CDC25C: variants seen among roughly 807,000 people sequenced by gnomAD.
CDC25C encodes the protein M-phase inducer phosphatase 3.
Under a neutral mutation model 52.5 loss-of-function variants are expected in CDC25C, and 48 were observed. That is an observed-to-expected ratio of 0.91 (90% CI 0.72 to 1.16). The LOEUF is 1.16. Ranked by LOEUF, CDC25C falls within the 50% of genes most tolerant of loss-of-function variation. The probability of loss-of-function intolerance (pLI) is 0.00; values close to 1 mark genes in which losing one functional copy is unlikely to be tolerated. For missense variants in CDC25C, 510 were observed against 566.1 expected (o/e 0.90, Z 1.01); for synonymous variants, 187 against 206.5 (o/e 0.91, Z 0.81).
chr5:138,319,468 T>C (rs919505403), intron 6 of CDC25C, 94 bp from the exon 7 acceptor site: 22 of 983,672 alleles, frequency 2.2e-5, no homozygotes, highest in Admixed American at 3.4e-5. Flanking sequence ...GAAGAAAAGA[T>C]AAGGGAAAAA....
At chr5:138,290,330 G>C (rs1296824958) in intron 9 of CDC25C, among the ~76,000 whole-genome samples, 1 of 151,958 alleles carries the variant, frequency 6.6e-6, no homozygotes, top group Non-Finnish European at 1.5e-5. Flanking sequence ...ATAAAGTTTG[G>C]GATAAATTTC....
intron 6 of CDC25C, among the ~76,000 whole-genome samples, chr5:138,322,130 T>A (rs1759461697): frequency 6.6e-6 from 1 of 150,648 alleles, no homozygotes; most frequent in Non-Finnish European, 1.5e-5. Context: ...GCCTCCGGAG[T>A]AGCTGGGACT....
At chr5:138,306,325 T>C (rs1273119326) in intron 7 of CDC25C, among the ~76,000 whole-genome samples, 5 of 152,124 alleles carry the variant, frequency 3.3e-5, no homozygotes, top group Non-Finnish European at 5.9e-5. Context: ...CACCATCGTA[T>C]CACCAGTGCC....
At chr5:138,326,557 G>A (rs527891921) in intron 4 of CDC25C, among the ~76,000 whole-genome samples, 146 of 152,142 alleles carry the variant, frequency 9.6e-4, no homozygotes, top group Admixed American at 1.6e-3. Flanking sequence ...TAGCCAGGAC[G>A]GTCTTGATCT....
chr5:138,309,223 T>TAA lies in CDC25C; in HGVS notation c.615+9994_615+9995dup, dbSNP rs34521148. 5.1e-4 allele frequency among the ~76,000 whole-genome samples: 73 copies of TAA among 143,596 alleles called. 1 individual carries two copies. The highest frequency in any genetic ancestry group is 6.0e-4 in the African/African-American group (23 of 38,310). The allele number at this position is 143,596 out of a possible 152,430, so 94.2% of individuals were successfully genotyped here. ...CATCAGGCTCTCAACAAACTGGTAT[T>TAA]AAAAAAAAAAAAAAAACATAAAAAT... On this transcript the variant is annotated intron_variant, in intron 7 of 13. Coordinates refer to ENST00000323760, the MANE Select transcript of CDC25C (RefSeq NM_001790.5).
At chr5:138,331,808 A>G (rs1319262565), upstream of CDC25C, 10 of 985,938 alleles carry the variant, frequency 1.0e-5, no homozygotes, top group Non-Finnish European at 3.6e-6. Context: ...CAAGAATATC[A>G]ACAGCCGCAG....
At chr5:138,287,951 CAT>C (rs760584987) in intron 10 of CDC25C, among the ~76,000 whole-genome samples, 27 of 152,204 alleles carry the variant, frequency 1.8e-4, no homozygotes, top group Non-Finnish European at 2.8e-4. Flanking sequence ...ATAAATTGTA[CAT>C]GTCAGTAGAA....
intron 7 of CDC25C, among the ~76,000 whole-genome samples, chr5:138,304,003 G>T (rs1757819422): frequency 6.6e-6 from 1 of 152,142 alleles, no homozygotes; most frequent in South Asian, 2.1e-4. Context: ...GGTGAGAAAA[G>T]AAGGCAGTTT....
At chr5:138,307,903 A>G (rs1196911143) in intron 7 of CDC25C, among the ~76,000 whole-genome samples, 1 of 152,154 alleles carries the variant, frequency 6.6e-6, no homozygotes, top group African/African-American at 2.4e-5. Context: ...GGGTGGGGAT[A>G]TGGTTTCAGG....
chr5:138,333,397 AGCT>A (rs1352721196), upstream of CDC25C: 1 of 152,326 alleles, frequency 6.6e-6, no homozygotes, highest in Non-Finnish European at 1.5e-5. Flanking sequence ...CAGTGTAGCC[AGCT>A]GGTTTTTATC....
chr5:138,307,646 T>C (rs1758123677), intron 7 of CDC25C, among the ~76,000 whole-genome samples: 1 of 152,126 alleles, frequency 6.6e-6, no homozygotes. Flanking sequence ...AAGGCTCTAT[T>C]GTCCAAATAT....
rs1297814916 is a variant in CDC25C, at chr5:138,314,775, AT to A, written c.615+4443del. Among the ~76,000 whole-genome samples the A allele has an allele frequency of 6.1e-3, 785 of 129,368 alleles. 2 individuals are homozygous for A. The highest frequency in any genetic ancestry group is 1.0e-2 in the African/African-American group (350 of 35,038). 84.9% of individuals were successfully genotyped at this position (129,368 alleles called of 152,430 possible). ...AGGTGCCCGCCACCACACCTGGCTA[AT>A]TTTTTTTTTTTTTTTGGTATTTTTA... On this transcript the variant is annotated intron_variant, in intron 7 of 13. Coordinates refer to ENST00000323760, the MANE Select transcript of CDC25C (RefSeq NM_001790.5).
At chr5:138,338,309 T>C (rs773410448) in exon 1 of CDC25C, 1 of 548,656 alleles carries the variant, frequency 1.8e-6, no homozygotes, top group Non-Finnish European at 3.2e-6. Flanking sequence ...GGAACCGCGG[T>C]AGGTGGTGGA....
At chr5:138,295,328 C>G (rs539633034) in intron 7 of CDC25C, among the ~76,000 whole-genome samples, 1 of 152,066 alleles carries the variant, frequency 6.6e-6, no homozygotes, top group Non-Finnish European at 1.5e-5. Context: ...GCTACTTCAG[C>G]GGCCAGGCAT....
At chr5:138,331,566 T>G in intron 1 of CDC25C, 29 bp downstream of exon 1, 1 of 1,045,604 alleles carries the variant, frequency 9.6e-7, no homozygotes, top group Non-Finnish European at 1.2e-6. Context: ...GTCTCCGTGA[T>G]TCCGTGGCGG....
In CDC25C at chr5:138,331,131, G is replaced by C; in HGVS notation, c.50C>G (p.Ser17Ter). 1 of 1,614,018 alleles carries C rather than the reference G, an allele frequency of 6.2e-7. No individual in the cohort carries two copies. The highest frequency in any genetic ancestry group is 8.5e-7 in the Non-Finnish European group (1 of 1,179,856). ...SSTREEGSSG[S>*]GPSFRSNQRK... ...TTGATTAGACCTAAAACTGGGTCCTGAGCCAGAGCTTCCTTCCTCTCTTGT... is the reference window on the plus strand; with the variant it reads ...TTGATTAGACCTAAAACTGGGTCCTCAGCCAGAGCTTCCTTCCTCTCTTGT... The change falls in exon 2 of 14, where the codon TCA becomes TGA. Residue 17 changes from serine to a stop codon, truncating the protein, a stop_gained. Coordinates refer to ENST00000323760, the MANE Select transcript of CDC25C (RefSeq NM_001790.5). LOFTEE classifies it high-confidence loss of function.
intron 6 of CDC25C, among the ~76,000 whole-genome samples, chr5:138,322,954 CTT>C (rs1388930431): frequency 6.9e-6 from 1 of 145,280 alleles, no homozygotes. Context: ...TTTTTTTTTC[CTT>C]TTTTTTTTGA....
At chr5:138,325,752 A>G in intron 6 of CDC25C, 63 bp downstream of exon 6, 1 of 1,124,390 alleles carries the variant, frequency 8.9e-7, no homozygotes, top group East Asian at 2.4e-5. Context: ...TCATTATGAT[A>G]CCAAGTTTCT....
At chr5:138,337,948 T>C in intron 1 of CDC25C, 1 of 1,288,622 alleles carries the variant, frequency 7.8e-7, no homozygotes, top group Non-Finnish European at 1.0e-6. Flanking sequence ...GGCGATGCCT[T>C]TGTTTACCTT....
Sources: gnomAD v4.1 joint callset for allele counts (sites outside exome capture counted in the v4.1 genomes callset) on GRCh38, gnomAD v4.1.1 for gene constraint, MANE v1.5 for transcripts, NCBI Gene and HGNC (gene_info 2026-07-23, HGNC 2026-07-21) for gene names.